The following FLII variants were observed in gnomAD, a reference collection of about 807,000 sequenced individuals.
FLII encodes the protein FLII actin remodeling protein.
In FLII, 101 loss-of-function variants were observed where a neutral mutation model predicts 156.2. The ratio of observed to expected loss-of-function variants is 0.65; its 90% CI spans 0.55 to 0.76. The LOEUF (loss-of-function observed/expected upper bound fraction) is 0.76, where lower values mean the gene tolerates loss of function less well. FLII is among the 30% of genes least tolerant of loss of function. The pLI is 0.00. For missense variants in FLII, 1,675 were observed against 1,682.8 expected, an observed-to-expected ratio of 1.00 and a Z score of 0.08; for synonymous variants, 767 against 685.8, an observed-to-expected ratio of 1.12 and a Z score of -1.85.
In FLII at chr17:18,246,889, GGGAA is replaced by G. The variant is rs748814941; in HGVS notation, c.2816+20_2816+23del. Reference sequence around the variant, plus strand: ...CCCCCAGCACCAGGGGAGGGACTTGGGGAAGGGAGTGCTGAGGTGGTACCTGCAG... The same window carrying G: ...CCCCCAGCACCAGGGGAGGGACTTGGGGGAGTGCTGAGGTGGTACCTGCAG... On this transcript the variant is annotated intron_variant, in intron 22 of 29. Coordinates refer to ENST00000327031, the MANE Select transcript of FLII (RefSeq NM_002018.4). 3.1e-6 allele frequency: 5 copies of G among 1,614,134 alleles called. No individual in the cohort carries two copies. In the South Asian group the frequency reaches 4.4e-5, roughly 14 times the overall value.
chr17:18,251,365 G>C lies in FLII; in HGVS notation c.1496C>G (p.Pro499Arg). Residue 499 changes from proline (P) to arginine (R), a missense_variant, in exon 13 of 30, where the codon CCC becomes CGC. Transcript: ENST00000327031. ...EFFTEDVGQLPGLTIWQIENF... is the reference protein window; with the variant it reads ...EFFTEDVGQLRGLTIWQIENF... ...CTCTATCTGCCAGATGGTCAGTCCG[G>C]GCAGCTGGCCCACGTCCTCCGTGAA... The C allele has an allele frequency of 6.2e-7, 1 of 1,613,784 alleles. No homozygotes were observed. Among genetic ancestry groups the C allele is most frequent in the South Asian group, 1.1e-5 (1 of 91,084 alleles).
chr17:18,254,000 G>A, intron 7 of FLII, 79 bp downstream of exon 7: 1 of 1,110,430 alleles, frequency 9.0e-7, no homozygotes, highest in Non-Finnish European at 1.3e-6. Flanking sequence ...CGAAGAGCAG[G>A]GTTCAACCCC....
In FLII at chr17:18,246,704, G is replaced by A. The variant is rs1211460561; in HGVS notation, c.2941C>T (p.Gln981Ter). 7 of 1,613,528 alleles carry A rather than the reference G, an allele frequency of 4.3e-6. No individual in the cohort carries two copies. Among genetic ancestry groups the A allele is most frequent in the Non-Finnish European group, 5.9e-6 (7 of 1,179,718 alleles). The part of the protein sequence containing the change: ...AEEKQPEEDF[Q>*]CIVYFWQGRE... ...CCCTGCCAGAAGTACACGATGCACT[G>A]GAAGTCCTCCTCTGGCTGCTTCTCC... is the stretch of plus-strand genomic sequence containing the variant. The change falls in exon 23 of 30, where the codon CAG becomes TAG. Residue 981 changes from glutamine (Q) to a stop codon, truncating the protein, a stop_gained. Coordinates refer to ENST00000327031, the MANE Select transcript of FLII (RefSeq NM_002018.4). LOFTEE classifies it high-confidence loss of function.
At chr17:18,246,525 C>T in intron 23 of FLII, 63 bp from the exon 24 acceptor site, 1 of 1,612,104 alleles carries the variant, frequency 6.2e-7, no homozygotes, top group East Asian at 2.2e-5. Flanking sequence ...GGGAGCCTAA[C>T]CTTCGCTGGG....
chr17:18,245,470 C>G, intron 28 of FLII, 51 bp from the exon 29 acceptor site: 1 of 1,612,732 alleles, frequency 6.2e-7, no homozygotes. Context: ...GGGAACAGCC[C>G]CTTGCTCCTG....
At chr17:18,254,268 A>G in intron 6 of FLII, 86 bp from the exon 7 acceptor site, 2 of 1,067,276 alleles carry the variant, frequency 1.9e-6, no homozygotes, top group Admixed American at 2.5e-5. Context: ...CCAAAAGCAC[A>G]GGGCCCAGAG....
At chr17:18,253,808 T>C (rs1419214926) in intron 7 of FLII, 89 bp from the exon 8 acceptor site, 3 of 1,302,202 alleles carry the variant, frequency 2.3e-6, no homozygotes, top group Non-Finnish European at 3.1e-6. Flanking sequence ...CTCTGCCACC[T>C]CTGAGCTGTG....
rs199595813 is a variant in FLII at position 18,249,161 on chromosome 17, G to A, written c.1900C>T (p.Pro634Ser). 8.1e-6 allele frequency: 13 copies of A among 1,614,132 alleles called. No individual in the cohort carries two copies. Among genetic ancestry groups the A allele is most frequent in the Non-Finnish European group, 5.1e-6 (6 of 1,180,030 alleles). ...AGAGAGGTCCCCTTGAGGGGCACAG[G>A]CTCCAACTTGATGTTCTTTTTCCCA... ...VYGKKNIKLE[P>S]VPLKGTSLDP... Residue 634 changes from proline to serine, a missense_variant, in exon 16 of 30, where the codon CCT becomes TCT. This residue lies in a region of FLII where 1,332 missense variants were observed against 1,269.3 expected (regional missense o/e 1.05). Coordinates refer to ENST00000327031, the MANE Select transcript of FLII (RefSeq NM_002018.4).
rs2048437243 is a variant in FLII, at chr17:18,256,943, T to C, written c.140A>G (p.Tyr47Cys). 3.7e-6 allele frequency: 6 copies of C among 1,611,768 alleles called. No homozygotes were observed. The highest frequency in any genetic ancestry group is 5.1e-6 in the Non-Finnish European group (6 of 1,179,180). ...WLKLNRTGLCYLPEELAALQK... is the reference protein window; with the variant it reads ...WLKLNRTGLCCLPEELAALQK... Reference sequence around the variant, plus strand: ...CAGGGCGGCCAGCTCCTCGGGCAGGTAGCAGAGGCCAGTGCGGTTCAGCTT... The same window carrying C: ...CAGGGCGGCCAGCTCCTCGGGCAGGCAGCAGAGGCCAGTGCGGTTCAGCTT... Residue 47 changes from tyrosine to cysteine, a missense_variant, in exon 2 of 30, where the codon TAC (tyrosine) becomes TGC (cysteine). Around this residue, in one of 2 missense-constraint regions of FLII, gnomAD observed 343 missense variants for 413.5 expected, o/e 0.83. Transcript: ENST00000327031.
chr17:18,249,154 G>A lies in FLII; in HGVS notation c.1907C>T (p.Pro636Leu). The change falls in exon 16 of 30, where the codon CCC (proline) becomes CTC (leucine). Residue 636 changes from proline to leucine, a missense_variant. Pro to Leu is a moderately conservative substitution (Grantham distance 98). Transcript: ENST00000327031. ...GKKNIKLEPV[P>L]LKGTSLDPRF... Reference sequence around the variant, plus strand: ...TGGGTCCAGAGAGGTCCCCTTGAGGGGCACAGGCTCCAACTTGATGTTCTT... The same window carrying A: ...TGGGTCCAGAGAGGTCCCCTTGAGGAGCACAGGCTCCAACTTGATGTTCTT... The A allele has an allele frequency of 2.5e-6, 4 of 1,614,114 alleles. No homozygotes were observed. The highest frequency in any genetic ancestry group is 3.4e-6 in the Non-Finnish European group (4 of 1,180,018).
chr17:18,247,183 T>C lies in FLII; in HGVS notation c.2662A>G (p.Met888Val), dbSNP rs142494222. Residue 888 changes from methionine (M) to valine (V), a missense_variant, in exon 21 of 30, where the codon ATG becomes GTG. Coordinates refer to ENST00000327031, the MANE Select transcript of FLII (RefSeq NM_002018.4). ...TALFLPRQPP[M>V]SLAEAEQLME... ...CCTGCCCCCACCTCGGCCAGCGACA[T>C]GGGCGGCTGCCGCGGCAGGAAAAGC... is the stretch of plus-strand genomic sequence containing the variant. 4.3e-6 allele frequency: 6 copies of C among 1,380,892 alleles called. No homozygotes were observed. Among genetic ancestry groups the C allele is most frequent in the Non-Finnish European group, 5.7e-6 (6 of 1,055,712 alleles). The allele number at this position is 1,380,892 out of a possible 1,614,324, so 85.5% of individuals were successfully genotyped here.
rs1375814002 is a variant in FLII, at chr17:18,253,600, G to C, written c.799C>G (p.Gln267Glu). 3 of 1,614,120 alleles carry C rather than the reference G, an allele frequency of 1.9e-6. No homozygotes were observed. Among genetic ancestry groups the C allele is most frequent in the Non-Finnish European group, 2.5e-6 (3 of 1,180,018 alleles). ...QITELSLCID[Q>E]WVHVETLNLS... ...TTCAGAGTTTCCACGTGCACCCACT[G>C]GTCTATGCACAGGGACAGCTCCGTG... Residue 267 changes from glutamine (Q) to glutamate (E), a missense_variant, in exon 8 of 30, where the codon CAG becomes GAG. Physicochemically the swap from Gln to Glu is conservative, Grantham distance 29. This residue lies in a region of FLII where 343 missense variants were observed against 413.5 expected (regional missense o/e 0.83). Coordinates refer to ENST00000327031, the MANE Select transcript of FLII (RefSeq NM_002018.4).
chr17:18,248,980 T>G, intron 16 of FLII, 97 bp from the exon 17 acceptor site: 1 of 1,414,932 alleles, frequency 7.1e-7, no homozygotes, highest in Non-Finnish European at 1.0e-6. Flanking sequence ...CACTATGGGG[T>G]TTCTGGGTAA....
Position 18,258,398 on chromosome 17 carries a change from C to T in FLII, c.63+230G>A. The T allele has an allele frequency of 7.6e-7, 1 of 1,311,952 alleles. No homozygotes were observed. Among genetic ancestry groups the T allele is most frequent in the Non-Finnish European group, 1.0e-6 (1 of 970,726 alleles). The allele number at this position is 1,311,952 out of a possible 1,614,324, so 81.3% of individuals were successfully genotyped here. On this transcript the variant is annotated intron_variant, in intron 1 of 29. Coordinates refer to ENST00000327031, the MANE Select transcript of FLII (RefSeq NM_002018.4). This position sits in a 1 kb window ranked among gnomAD's most constrained non-coding sequence, Gnocchi z 4.2. ...CCCGGCCGGGCCCCCGGCGGGACTCCGAGCCCAAGCGTCCGTCCCCGGCCT... is the reference window on the plus strand; with the variant it reads ...CCCGGCCGGGCCCCCGGCGGGACTCTGAGCCCAAGCGTCCGTCCCCGGCCT...
intron 21 of FLII, 33 bp downstream of exon 21, chr17:18,247,136 C>CT (rs779755737): frequency 4.9e-6 from 5 of 1,020,782 alleles, no homozygotes; most frequent in Non-Finnish European, 6.9e-6. Flanking sequence ...CCCCACCCCC[C>CT]CCCCCGCGCC....
chr17:18,254,220 C>T, intron 6 of FLII, 38 bp from the exon 7 acceptor site: 13 of 1,519,132 alleles, frequency 8.6e-6, no homozygotes, highest in East Asian at 2.3e-5. Context: ...CCAGGGCCCA[C>T]CTAGGGAGTG....
In FLII at chr17:18,258,734, G is replaced by T. The variant is rs749391868; in HGVS notation, c.-44C>A. 2 of 1,349,326 alleles carry T rather than the reference G, an allele frequency of 1.5e-6. No individual in the cohort carries two copies. The highest frequency in any genetic ancestry group is 1.7e-5 in the South Asian group (1 of 57,670). 83.6% of individuals were successfully genotyped at this position (1,349,326 alleles called of 1,614,324 possible). A position where few individuals can be genotyped will look rare whatever the true frequency, so the allele number is the denominator to read the frequency against. On this transcript the variant is annotated 5_prime_UTR_variant, in exon 1 of 30. Transcript: ENST00000327031. This position sits in a 1 kb window ranked among gnomAD's most constrained non-coding sequence, Gnocchi z 4.2. ...GGGCCGCGCCGGGCTAGGGAGCGCC[G>T]GGGCGAGGGCGCTGGGGGGAGCCGC... is the stretch of plus-strand genomic sequence containing the variant.
chr17:18,255,141 G>T, intron 4 of FLII, 42 bp downstream of exon 4: 1 of 1,462,202 alleles, frequency 6.8e-7, no homozygotes, highest in Non-Finnish European at 9.6e-7. Context: ...GGATTGAATG[G>T]TCCGGCTAGC....
In FLII at chr17:18,249,392, A is replaced by G; in HGVS notation, c.1793T>C (p.Ile598Thr). 6.2e-7 allele frequency: 1 copy of G among 1,614,002 alleles called. No homozygotes were observed. Among genetic ancestry groups the G allele is most frequent in the Non-Finnish European group, 8.5e-7 (1 of 1,179,950 alleles). The change falls in exon 15 of 30, where the codon ATC (isoleucine) becomes ACC (threonine). Residue 598 changes from isoleucine (I) to threonine (T), a missense_variant. Physicochemically the swap from Ile to Thr is moderately conservative, Grantham distance 89 (BLOSUM62 -1). This residue lies in a region of FLII where 1,332 missense variants were observed against 1,269.3 expected (regional missense o/e 1.05). Transcript: ENST00000327031. Reference protein sequence around the residue: ...EEFLQVFDNDISYIEGGTASG... With the variant: ...EEFLQVFDNDTSYIEGGTASG... Reference sequence around the variant, plus strand: ...GGCTGTTCCACCCTCAATGTAGGAGATGTCGTTGTCAAACACCTGTGTGTG... The same window carrying G: ...GGCTGTTCCACCCTCAATGTAGGAGGTGTCGTTGTCAAACACCTGTGTGTG...
Sources: allele counts gnomAD v4.1 joint callset, GRCh38; gene constraint gnomAD v4.1.1; regional missense constraint gnomAD v4.1.1; non-coding constraint Gnocchi (gnomAD v3.1); transcripts MANE v1.5; gene names NCBI Gene and HGNC (gene_info 2026-07-23, HGNC 2026-07-21).